CFAP54: variants seen among roughly 807,000 people sequenced by gnomAD.
The protein encoded by CFAP54 is cilia and flagella associated protein 54, also known as cilia- and flagella-associated protein 54.
Under a neutral mutation model 370.4 loss-of-function variants are expected in CFAP54, and 290 were observed. The observed-to-expected ratio is 0.78, with a 90% confidence interval of 0.71 to 0.86. CFAP54 has a LOEUF of 0.86. Among genes scored for constraint, CFAP54 ranks in the 40% least tolerant of loss-of-function variants. The pLI, the probability that CFAP54 is intolerant of heterozygous loss-of-function variation, is 0.00. For missense variants in CFAP54, 3,399 were observed against 3,528.7 expected, an observed-to-expected ratio of 0.96 and a Z score of 0.93; for synonymous variants, 1,206 against 1,236.5, an observed-to-expected ratio of 0.98 and a Z score of 0.52.
intron 26 of CFAP54, among the ~76,000 whole-genome samples, chr12:96,604,429 A>C (rs1956279573): frequency 1.3e-5 from 2 of 152,184 alleles, no homozygotes; most frequent in Admixed American, 1.3e-4. Context: ...CCACTTGAGG[A>C]GGCAGTCTGT....
intron 22 of CFAP54, 133 bp downstream of exon 22, chr12:96,581,238 C>A (rs1308082469): frequency 2.1e-5 from 12 of 561,300 alleles, no homozygotes; most frequent in Non-Finnish European, 3.2e-5. Flanking sequence ...TCCATTACTA[C>A]AGTTTTGTCT....
intron 24 of CFAP54, among the ~76,000 whole-genome samples, chr12:96,593,773 C>T (rs979521582): frequency 3.3e-5 from 5 of 151,884 alleles, no homozygotes; most frequent in South Asian, 2.1e-4. Flanking sequence ...TTTTAAGTGG[C>T]ATTTACTCTC....
intron 50 of CFAP54, among the ~76,000 whole-genome samples, chr12:96,737,620 G>C (rs574187073): frequency 6.6e-6 from 1 of 151,676 alleles, no homozygotes; most frequent in Non-Finnish European, 1.5e-5. Context: ...CTCCTGAGTA[G>C]CTGGGATTAC....
chr12:96,612,412 C>A (rs1031120662), intron 26 of CFAP54, among the ~76,000 whole-genome samples: 16 of 152,142 alleles, frequency 1.1e-4, no homozygotes, highest in Non-Finnish European at 1.6e-4. Flanking sequence ...AAGGAACAAC[C>A]AGTACCAGCC....
chr12:96,652,710 G>T (rs1956874987), intron 36 of CFAP54, among the ~76,000 whole-genome samples: 1 of 151,974 alleles, frequency 6.6e-6, no homozygotes, highest in Non-Finnish European at 1.5e-5. Flanking sequence ...TTGTCTGACT[G>T]GATAAAAAAG....
intron 50 of CFAP54, among the ~76,000 whole-genome samples, chr12:96,732,617 A>T (rs994680457): frequency 1.3e-5 from 2 of 152,186 alleles, no homozygotes; most frequent in Admixed American, 6.5e-5. Flanking sequence ...TTTTAGCTGA[A>T]TTTCTAATGT....
intron 66 of CFAP54, among the ~76,000 whole-genome samples, chr12:96,846,302 A>T (rs1480350159): frequency 1.3e-5 from 2 of 152,188 alleles, no homozygotes. Flanking sequence ...ATGAGCCCTG[A>T]ACCACTGGCC....
chr12:96,721,529 CA>C (rs1380396596), intron 50 of CFAP54, among the ~76,000 whole-genome samples: 2 of 152,090 alleles, frequency 1.3e-5, no homozygotes, highest in African/African-American at 4.8e-5. Context: ...GCGCTTTTTT[CA>C]TATTTAATAA....
intron 33 of CFAP54, among the ~76,000 whole-genome samples, 174 bp downstream of exon 33, chr12:96,644,582 G>A (rs146425898): frequency 6.6e-6 from 1 of 152,116 alleles, no homozygotes; most frequent in East Asian, 1.9e-4. Context: ...TCCCGAGACT[G>A]GTAATTTATA....
At chr12:96,736,762 A>G (rs1957984579) in intron 50 of CFAP54, among the ~76,000 whole-genome samples, 1 of 152,248 alleles carries the variant, frequency 6.6e-6, no homozygotes, top group African/African-American at 2.4e-5. Context: ...CAAGAGGCCC[A>G]TTGATATTGA....
chr12:96,580,573 C>T, intron 20 of CFAP54, 24 bp from the exon 21 acceptor site: 1 of 1,405,774 alleles, frequency 7.1e-7, no homozygotes, highest in Non-Finnish European at 9.4e-7. Context: ...GCCTTTTAAA[C>T]AGGCTCATTT....
chr12:96,625,552 C>A (rs1358060729), intron 28 of CFAP54, among the ~76,000 whole-genome samples, 166 bp from the exon 29 acceptor site: 1 of 152,178 alleles, frequency 6.6e-6, no homozygotes, highest in South Asian at 2.1e-4. Context: ...ATTTTTATTT[C>A]CAAAATGTAA....
chr12:96,817,202 G>A (rs1408282761), intron 64 of CFAP54, among the ~76,000 whole-genome samples: 2 of 152,058 alleles, frequency 1.3e-5, no homozygotes, highest in Non-Finnish European at 2.9e-5. Context: ...TATTTTAGAT[G>A]TGTGCCTTTT....
At chr12:96,559,834 T>A (rs1955797302) in intron 17 of CFAP54, among the ~76,000 whole-genome samples, 1 of 152,104 alleles carries the variant, frequency 6.6e-6, no homozygotes, top group Admixed American at 6.6e-5. Context: ...TATAATAATA[T>A]TATTGATTAT....
At chr12:96,860,532 G>A (rs1397763607) in intron 66 of CFAP54, among the ~76,000 whole-genome samples, 8 of 152,156 alleles carry the variant, frequency 5.3e-5, no homozygotes, top group Admixed American at 1.3e-4. Flanking sequence ...GCAGGAAAGC[G>A]TTTTATTAGG....
intron 48 of CFAP54, among the ~76,000 whole-genome samples, chr12:96,709,701 T>TTTATTATTATTATTATTATTATTA (rs71068827): frequency 1.9e-4 from 28 of 144,090 alleles, no homozygotes; most frequent in African/African-American, 4.4e-4. Flanking sequence ...TTGATCATGG[T>TTTATTATTATTATTATTATTATTA]TTATTATTAT....
intron 67 of CFAP54, among the ~76,000 whole-genome samples, chr12:96,867,321 G>C (rs1565767664): frequency 6.6e-6 from 1 of 152,092 alleles, no homozygotes; most frequent in Non-Finnish European, 1.5e-5. Flanking sequence ...ACTATGCCAG[G>C]AACTGTGAAC....
chr12:96,670,814 C>T (rs1940597295), intron 39 of CFAP54, among the ~76,000 whole-genome samples: 1 of 152,166 alleles, frequency 6.6e-6, no homozygotes, highest in Non-Finnish European at 1.5e-5. Context: ...TGTCACCGGC[C>T]TTTTTGCTGT....
At position 96,786,697 on chromosome 12, in the gene CFAP54, A is replaced by G; in HGVS notation, c.8478A>G (p.Gly2826=). 1 of 1,532,944 alleles carries G rather than the reference A, an allele frequency of 6.5e-7. No homozygotes were observed. Among genetic ancestry groups the G allele is most frequent in the Non-Finnish European group, 8.7e-7 (1 of 1,145,050 alleles). 95.0% of individuals were successfully genotyped at this position (1,532,944 alleles called of 1,614,324 possible). ...AAGCATCTGCAACACCAGTATCTGGAATTTCTTTGCCAGATGATACACTTC... is the reference window on the plus strand; with the variant it reads ...AAGCATCTGCAACACCAGTATCTGGGATTTCTTTGCCAGATGATACACTTC... ...KLLASATPVS[G]ISLPDDTLLT... The change falls in exon 62 of 68, where the codon GGA becomes GGG. Residue 2826 remains glycine (G), a synonymous_variant. Coordinates refer to ENST00000524981, the MANE Select transcript of CFAP54 (RefSeq NM_001306084.2).
Sources: allele counts gnomAD v4.1 joint callset (sites outside exome capture counted in the v4.1 genomes callset), GRCh38; gene constraint gnomAD v4.1.1; transcripts MANE v1.5; gene names NCBI Gene and HGNC (gene_info 2026-07-23, HGNC 2026-07-21).